The following SGCZ variants were observed in gnomAD, a reference collection of about 807,000 sequenced individuals.
SGCZ encodes sarcoglycan zeta, also known as zeta-sarcoglycan.
A neutral mutation model predicts 41.3 loss-of-function variants in SGCZ; 40 were observed. That is an observed-to-expected ratio of 0.97 (90% CI 0.75 to 1.26). The LOEUF is 1.26. Ranked by LOEUF, SGCZ falls within the 50% of genes most tolerant of loss-of-function variation. SGCZ has a pLI of 0.00. For missense variants in SGCZ, 552 were observed against 369.8 expected, an observed-to-expected ratio of 1.49 and a Z score of -4.04; for synonymous variants, 206 against 137.5, an observed-to-expected ratio of 1.50 and a Z score of -3.49.
chr8:14,346,094 T>G (rs1393470399), intron 2 of SGCZ, among the ~76,000 whole-genome samples: 1 of 152,224 alleles, frequency 6.6e-6, no homozygotes, highest in South Asian at 2.1e-4. Flanking sequence ...AGTTAATAAT[T>G]ATATGTCAAT....
intron 2 of SGCZ, among the ~76,000 whole-genome samples, chr8:14,462,417 G>A (rs534583237): frequency 1.4e-4 from 21 of 151,884 alleles, no homozygotes; most frequent in Admixed American, 9.2e-4. Context: ...ACACTCATAC[G>A]GTTGTGCTAC....
At chr8:14,765,589 C>G (rs2130371739) in intron 1 of SGCZ, among the ~76,000 whole-genome samples, 1 of 152,236 alleles carries the variant, frequency 6.6e-6, no homozygotes, top group African/African-American at 2.4e-5. Flanking sequence ...ATATATTAGC[C>G]TTCCATATAT....
intron 1 of SGCZ, among the ~76,000 whole-genome samples, chr8:15,221,465 G>A (rs1367083681): frequency 6.6e-6 from 1 of 152,108 alleles, no homozygotes; most frequent in African/African-American, 2.4e-5. Flanking sequence ...CGCACTTGGT[G>A]AACTAAAAGA....
chr8:14,257,113 T>A (rs1291783998), intron 3 of SGCZ, among the ~76,000 whole-genome samples: 1 of 152,086 alleles, frequency 6.6e-6, no homozygotes, highest in Admixed American at 6.6e-5. Flanking sequence ...CAGATTGCTT[T>A]AATCCACGAC....
intron 1 of SGCZ, among the ~76,000 whole-genome samples, chr8:15,205,220 C>G (rs888269062): frequency 3.9e-5 from 6 of 152,018 alleles, no homozygotes; most frequent in Admixed American, 2.0e-4. Flanking sequence ...TACAAAGACA[C>G]AAAAAGCAAT....
intron 3 of SGCZ, among the ~76,000 whole-genome samples, chr8:14,259,229 G>T (rs1799567290): frequency 6.6e-6 from 1 of 152,124 alleles, no homozygotes; most frequent in African/African-American, 2.4e-5. Context: ...CACATGAATA[G>T]AATTGGACCC....
intron 1 of SGCZ, among the ~76,000 whole-genome samples, chr8:15,183,631 ATATTCT>A (rs2117092856): frequency 6.6e-6 from 1 of 152,304 alleles, no homozygotes; most frequent in Admixed American, 6.5e-5. Context: ...ATCCTATGAC[ATATTCT>A]TTATGTTGCC....
chr8:15,005,529 C>T (rs948704492), intron 1 of SGCZ, among the ~76,000 whole-genome samples: 2 of 150,666 alleles, frequency 1.3e-5, no homozygotes, highest in African/African-American at 4.9e-5. Context: ...TGGTGTTTCT[C>T]CATGTTCGTT....
intron 1 of SGCZ, among the ~76,000 whole-genome samples, chr8:14,638,195 C>A (rs925884498): frequency 1.3e-5 from 2 of 151,774 alleles, no homozygotes; most frequent in African/African-American, 2.4e-5. Flanking sequence ...ACATTCTGTT[C>A]CCAACTTTTT....
At chr8:14,541,158 A>C (rs940699296) in intron 2 of SGCZ, among the ~76,000 whole-genome samples, 1 of 151,934 alleles carries the variant, frequency 6.6e-6, no homozygotes, top group Non-Finnish European at 1.5e-5. Flanking sequence ...TTATTTTTTA[A>C]GTTCCGGGAT....
At chr8:14,951,434 A>C (rs917448103) in intron 1 of SGCZ, among the ~76,000 whole-genome samples, 7 of 152,050 alleles carry the variant, frequency 4.6e-5, no homozygotes, top group Non-Finnish European at 5.9e-5. Context: ...CTATTTTTAC[A>C]TACTGACCAT....
chr8:14,967,186 T>G (rs1585420565), intron 1 of SGCZ, among the ~76,000 whole-genome samples: 1 of 152,178 alleles, frequency 6.6e-6, no homozygotes. Flanking sequence ...CACATTAAAA[T>G]TATACTGGGA....
At chr8:14,164,294 G>C (rs1158972672) in intron 5 of SGCZ, among the ~76,000 whole-genome samples, 1 of 151,784 alleles carries the variant, frequency 6.6e-6, no homozygotes, top group Non-Finnish European at 1.5e-5. Flanking sequence ...CCTTTACTCA[G>C]AATTTGCATT....
At chr8:14,132,734 T>C (rs1048150589) in intron 5 of SGCZ, among the ~76,000 whole-genome samples, 2 of 152,172 alleles carry the variant, frequency 1.3e-5, no homozygotes, top group Non-Finnish European at 1.5e-5. Flanking sequence ...TTTCTGTTTC[T>C]TTGTATGAAT....
intron 1 of SGCZ, among the ~76,000 whole-genome samples, chr8:15,220,969 T>G (rs571637965): frequency 6.6e-6 from 1 of 151,994 alleles, no homozygotes; most frequent in African/African-American, 2.4e-5. Flanking sequence ...ACAATGAGAA[T>G]ACTTGGACAC....
chr8:14,599,148 T>C (rs1225348696), intron 1 of SGCZ, among the ~76,000 whole-genome samples: 1 of 152,146 alleles, frequency 6.6e-6, no homozygotes, highest in Admixed American at 6.5e-5. Context: ...ATTTCAGACA[T>C]TCTTCCTTTG....
chr8:14,628,045 C>T (rs561186244), intron 1 of SGCZ, among the ~76,000 whole-genome samples: 5 of 152,116 alleles, frequency 3.3e-5, no homozygotes, highest in South Asian at 2.1e-4. Flanking sequence ...CATAGGCAGG[C>T]CTCATAGACA....
chr8:15,008,863 A>G (rs1338709053), intron 1 of SGCZ, among the ~76,000 whole-genome samples: 1 of 151,508 alleles, frequency 6.6e-6, no homozygotes, highest in Non-Finnish European at 1.5e-5. Context: ...GAAACTGACA[A>G]TTTTAAGTCC....
intron 3 of SGCZ, among the ~76,000 whole-genome samples, chr8:14,297,577 T>C (rs886197983): frequency 1.3e-5 from 2 of 151,736 alleles, no homozygotes; most frequent in African/African-American, 4.8e-5. Flanking sequence ...AAGACAATAA[T>C]ATAGAGCACA....
Sources: allele counts gnomAD v4.1 joint callset (sites outside exome capture counted in the v4.1 genomes callset), GRCh38; gene constraint gnomAD v4.1.1; transcripts MANE v1.5; gene names NCBI Gene and HGNC (gene_info 2026-07-23, HGNC 2026-07-21).